PSMA8: variants seen among roughly 807,000 people sequenced by gnomAD.
PSMA8 encodes the protein proteasome subunit alpha-type 8.
A neutral mutation model predicts 32.4 loss-of-function variants in PSMA8; 18 were observed. That is an observed-to-expected ratio of 0.56 (90% confidence interval 0.38 to 0.82). The LOEUF (loss-of-function observed/expected upper bound fraction) is 0.82. PSMA8 is among the 40% of genes least tolerant of loss of function. PSMA8 has a pLI of 0.00. For synonymous variants in PSMA8, 104 were observed against 98.1 expected (o/e 1.06, Z -0.36); for missense variants, 298 against 300.7 (o/e 0.99, Z 0.07).
chr18:26,156,499 C>T (rs144611600), intron 3 of PSMA8, among the ~76,000 whole-genome samples: 1 of 152,100 alleles, frequency 6.6e-6, no homozygotes, highest in African/African-American at 2.4e-5. Context: ...GAAATTCTGT[C>T]ATTCGTTATA....
At chr18:26,146,260 G>T (rs563540383) in intron 2 of PSMA8, among the ~76,000 whole-genome samples, 99 of 149,308 alleles carry the variant, frequency 6.6e-4, no homozygotes, top group African/African-American at 2.3e-3. Context: ...CACACATGAT[G>T]GTGCACATCT....
At chr18:26,167,888 A>G (rs2055193060) in intron 4 of PSMA8, among the ~76,000 whole-genome samples, 1 of 90,370 alleles carries the variant, frequency 1.1e-5, no homozygotes, top group African/African-American at 1.6e-4. Context: ...CTCTTTATTA[A>G]GATGGAATTG....
intron 6 of PSMA8, among the ~76,000 whole-genome samples, chr18:26,179,380 C>A (rs115377757): frequency 1.3e-5 from 2 of 151,958 alleles, no homozygotes; most frequent in Non-Finnish European, 2.9e-5. Context: ...GCGATCAGCC[C>A]GCCTTGGCCT....
intron 4 of PSMA8, among the ~76,000 whole-genome samples, chr18:26,172,896 C>G (rs1226605608): frequency 6.6e-6 from 1 of 152,132 alleles, no homozygotes; most frequent in Non-Finnish European, 1.5e-5. Flanking sequence ...TTGTAATAGG[C>G]AGTGAACAAG....
rs919433456 is a variant in PSMA8, at chr18:26,182,894, C to G, written c.660+3764C>G. Among the ~76,000 whole-genome samples the G allele has an allele frequency of 3.3e-5, 5 of 151,866 alleles. 1 individual carries two copies. Among genetic ancestry groups the G allele is most frequent in the African/African-American group, 4.8e-5 (2 of 41,318 alleles). On this transcript the variant is annotated intron_variant, in intron 6 of 6. Transcript: ENST00000415576. ...ATCACTTGAGATCAGGAGTTCAAGACCAGCCTGGCCAACATGGTGAAACCC... is the reference window on the plus strand; with the variant it reads ...ATCACTTGAGATCAGGAGTTCAAGAGCAGCCTGGCCAACATGGTGAAACCC...
At chr18:26,140,783 G>C (rs2054949140) in intron 1 of PSMA8, among the ~76,000 whole-genome samples, 1 of 152,138 alleles carries the variant, frequency 6.6e-6, no homozygotes, top group African/African-American at 2.4e-5. Flanking sequence ...AATAGCACAG[G>C]AATTACTCAT....
At chr18:26,180,217 A>G (rs557721995) in intron 6 of PSMA8, among the ~76,000 whole-genome samples, 1 of 152,294 alleles carries the variant, frequency 6.6e-6, no homozygotes, top group Admixed American at 6.5e-5. Flanking sequence ...TATGCCAGTG[A>G]TCTGGGCAAC....
intron 3 of PSMA8, among the ~76,000 whole-genome samples, chr18:26,153,599 C>A (rs1242939561): frequency 6.6e-6 from 1 of 152,034 alleles, no homozygotes; most frequent in Non-Finnish European, 1.5e-5. Context: ...TTTTTTTCCA[C>A]CTATTGGTTT....
chr18:26,154,556 G>A (rs146165178), intron 3 of PSMA8, among the ~76,000 whole-genome samples: 38 of 151,948 alleles, frequency 2.5e-4, no homozygotes, highest in East Asian at 1.7e-3. Flanking sequence ...GGGGCTCTCC[G>A]GCAGAAGATC....
At chr18:26,157,810 G>T (rs2055102058) in intron 3 of PSMA8, among the ~76,000 whole-genome samples, 1 of 152,244 alleles carries the variant, frequency 6.6e-6, no homozygotes, top group Admixed American at 6.5e-5. Context: ...GAACCAAAAT[G>T]CATGAAACAG....
chr18:26,138,153 T>A (rs1299130837), intron 1 of PSMA8, among the ~76,000 whole-genome samples: 1 of 152,238 alleles, frequency 6.6e-6, no homozygotes, highest in Non-Finnish European at 1.5e-5. Flanking sequence ...ATGTGGCTAC[T>A]GTCAGTCTCC....
chr18:26,156,078 A>G (rs904105632), intron 3 of PSMA8, among the ~76,000 whole-genome samples: 2 of 152,234 alleles, frequency 1.3e-5, no homozygotes, highest in African/African-American at 4.8e-5. Context: ...TAATCATCAG[A>G]TAAATGCTAA....
chr18:26,177,967 A>C (rs2055277063), intron 4 of PSMA8, among the ~76,000 whole-genome samples: 1 of 152,178 alleles, frequency 6.6e-6, no homozygotes. Flanking sequence ...TAATCTCAGC[A>C]CTTTGGGAGG....
At chr18:26,168,174 C>T (rs2055194942) in intron 4 of PSMA8, among the ~76,000 whole-genome samples, 1 of 119,914 alleles carries the variant, frequency 8.3e-6, no homozygotes, top group Non-Finnish European at 1.5e-5. Flanking sequence ...CCTCCTAATT[C>T]TCCAGAGCAA....
intron 2 of PSMA8, among the ~76,000 whole-genome samples, chr18:26,146,138 CT>C (rs34837426): frequency 0.052 from 7,751 of 149,230 alleles, 215 homozygotes; most frequent in East Asian, 0.12. Context: ...TTATTTGCCC[CT>C]ATACAGCAAA....
chr18:26,134,114 G>A (rs769192654), intron 1 of PSMA8, 47 bp downstream of exon 1: 3 of 1,421,002 alleles, frequency 2.1e-6, no homozygotes, highest in South Asian at 1.2e-5. Context: ...TGACCTGTCA[G>A]GCCATCGTTA....
intron 2 of PSMA8, among the ~76,000 whole-genome samples, chr18:26,150,942 A>G (rs941352124): frequency 6.6e-6 from 1 of 152,234 alleles, no homozygotes; most frequent in Admixed American, 6.5e-5. Flanking sequence ...CATAGGAAAG[A>G]CTAAATCAGT....
chr18:26,170,230 C>A (rs1274172202), intron 4 of PSMA8, among the ~76,000 whole-genome samples: 1 of 127,008 alleles, frequency 7.9e-6, no homozygotes, highest in Non-Finnish European at 1.5e-5. Flanking sequence ...TTGGGTTCCC[C>A]AATCTAAGAC....
intron 4 of PSMA8, among the ~76,000 whole-genome samples, chr18:26,172,552 C>G (rs2055231009): frequency 6.6e-6 from 1 of 152,044 alleles, no homozygotes; most frequent in Non-Finnish European, 1.5e-5. Context: ...GAGGAGGTTT[C>G]CTGAGCACAG....
Sources: gnomAD v4.1 joint callset for allele counts (sites outside exome capture counted in the v4.1 genomes callset) on GRCh38, gnomAD v4.1.1 for gene constraint, MANE v1.5 for transcripts, NCBI Gene and HGNC (gene_info 2026-07-23, HGNC 2026-07-21) for gene names.